Variants in CA10 observed in about 807,000 individuals in gnomAD.
CA10 encodes the protein carbonic anhydrase 10 (inactive), also known as carbonic anhydrase-related protein 10.
A neutral mutation model predicts 44.2 loss-of-function variants in CA10; 14 were observed. The ratio of observed to expected loss-of-function variants is 0.32; its 90% confidence interval spans 0.21 to 0.50. The LOEUF is 0.50. CA10 is among the 20% of genes least tolerant of loss of function. CA10 has a pLI of 0.99. For missense variants in CA10, 350 were observed against 409.7 expected (o/e 0.85, Z 1.26); for synonymous variants, 159 against 141.6 (o/e 1.12, Z -0.87).
rs910991643 is a variant in CA10 at position 51,837,657 on chromosome 17, T to A, written c.280-89839A>T. Among the ~76,000 whole-genome samples, 9 of 152,358 alleles carry A rather than the reference T, an allele frequency of 5.9e-5. 1 individual carries two copies. In the South Asian group the frequency reaches 1.7e-3, roughly 28 times the overall value. ...AACCACTGCTTCATCAGAGAGTGCC[T>A]TTTGTTTGTGCATGATCAAATGTGA... On this transcript the variant is annotated intron_variant, in intron 3 of 8. Coordinates refer to ENST00000451037, the MANE Select transcript of CA10 (RefSeq NM_020178.5).
At chr17:51,632,704 G>A (rs1912638334) in intron 8 of CA10, among the ~76,000 whole-genome samples, 1 of 152,100 alleles carries the variant, frequency 6.6e-6, no homozygotes, top group African/African-American at 2.4e-5. Flanking sequence ...CCAGAACTTG[G>A]GTGTCCTGAT....
At chr17:51,961,876 G>T (rs796110214) in intron 2 of CA10, among the ~76,000 whole-genome samples, 1 of 151,844 alleles carries the variant, frequency 6.6e-6, no homozygotes, top group African/African-American at 2.4e-5. Context: ...TCAAAGCACC[G>T]GCTCACCCGG....
At chr17:51,973,850 T>C (rs921250987) in intron 2 of CA10, among the ~76,000 whole-genome samples, 4 of 152,130 alleles carry the variant, frequency 2.6e-5, no homozygotes, top group Non-Finnish European at 5.9e-5. Flanking sequence ...TACTAGAATG[T>C]GAAGCAGGAA....
At chr17:52,028,837 C>T (rs16950926) in intron 2 of CA10, among the ~76,000 whole-genome samples, 1,851 of 152,304 alleles carry the variant, frequency 0.012, 31 homozygotes, top group African/African-American at 0.038. Flanking sequence ...TCTGCTGTGA[C>T]GATAGGACTT....
At chr17:51,964,779 G>C (rs1475044453) in intron 2 of CA10, among the ~76,000 whole-genome samples, 2 of 151,838 alleles carry the variant, frequency 1.3e-5, no homozygotes, top group African/African-American at 4.8e-5. Context: ...AAAGTTTAAA[G>C]CACTAAATCC....
At chr17:52,075,625 T>C (rs1268479823) in intron 1 of CA10, among the ~76,000 whole-genome samples, 1 of 152,178 alleles carries the variant, frequency 6.6e-6, no homozygotes, top group Non-Finnish European at 1.5e-5. Flanking sequence ...TTGCAGAGCA[T>C]AGCATCTCTG....
At chr17:51,879,815 TA>T (rs979497031) in intron 3 of CA10, among the ~76,000 whole-genome samples, 1 of 152,186 alleles carries the variant, frequency 6.6e-6, no homozygotes, top group East Asian at 1.9e-4. Context: ...AGAATTCTTC[TA>T]AAAAGAAAAG....
chr17:51,935,765 C>T (rs1429785529), intron 2 of CA10, among the ~76,000 whole-genome samples: 1 of 152,150 alleles, frequency 6.6e-6, no homozygotes. Context: ...TTATCAGCTG[C>T]TTGTTCAGAC....
chr17:51,999,402 G>A (rs1985345756), intron 2 of CA10, among the ~76,000 whole-genome samples: 1 of 152,046 alleles, frequency 6.6e-6, no homozygotes, highest in Admixed American at 6.6e-5. Context: ...GCAGTTCCGA[G>A]TTAGTGTGGG....
intron 1 of CA10, among the ~76,000 whole-genome samples, chr17:52,146,036 G>C (rs188767359): frequency 1.3e-5 from 2 of 152,150 alleles, no homozygotes. Flanking sequence ...AACTACTATG[G>C]AAATATAAGA....
intron 3 of CA10, among the ~76,000 whole-genome samples, chr17:51,822,208 G>A (rs144018272): frequency 5.3e-5 from 8 of 152,198 alleles, no homozygotes; most frequent in African/African-American, 1.9e-4. Context: ...CAGATCACCT[G>A]AGGTCACCAC....
intron 4 of CA10, among the ~76,000 whole-genome samples, chr17:51,722,074 G>C (rs1026419952): frequency 6.6e-6 from 1 of 152,116 alleles, no homozygotes; most frequent in African/African-American, 2.4e-5. Context: ...TTTAACTCTT[G>C]CGATCTGATG....
At chr17:51,712,055 C>T (rs1290369217) in intron 4 of CA10, among the ~76,000 whole-genome samples, 2 of 152,140 alleles carry the variant, frequency 1.3e-5, no homozygotes, top group Non-Finnish European at 2.9e-5. Flanking sequence ...CAAAAGTTGT[C>T]TTTGATAAAC....
At chr17:52,063,130 C>T (rs995425686) in intron 2 of CA10, among the ~76,000 whole-genome samples, 7 of 152,184 alleles carry the variant, frequency 4.6e-5, no homozygotes, top group Admixed American at 1.3e-4. Flanking sequence ...TTTTAGACTT[C>T]CATGAAGACT....
chr17:52,141,858 C>T (rs764824583), intron 1 of CA10, among the ~76,000 whole-genome samples: 3 of 152,104 alleles, frequency 2.0e-5, no homozygotes, highest in Non-Finnish European at 4.4e-5. Flanking sequence ...AACCAATGAG[C>T]ATGTTGCATT....
chr17:51,969,688 C>T (rs1984209920), intron 2 of CA10, among the ~76,000 whole-genome samples: 1 of 151,728 alleles, frequency 6.6e-6, no homozygotes, highest in Non-Finnish European at 1.5e-5. Context: ...TTATTGAGTA[C>T]CCCCTGTGTG....
chr17:51,945,749 C>T (rs547775436), intron 2 of CA10, among the ~76,000 whole-genome samples: 3 of 152,272 alleles, frequency 2.0e-5, no homozygotes, highest in East Asian at 3.9e-4. Flanking sequence ...TCCTTCCCCT[C>T]GACTCCCTTA....
intron 1 of CA10, among the ~76,000 whole-genome samples, chr17:52,108,868 C>A (rs1988730521): frequency 6.6e-6 from 1 of 151,944 alleles, no homozygotes; most frequent in African/African-American, 2.4e-5. Flanking sequence ...AGAACTTACC[C>A]ATGTAATCAA....
At chr17:52,086,073 A>G (rs1429545010) in intron 1 of CA10, among the ~76,000 whole-genome samples, 1 of 152,202 alleles carries the variant, frequency 6.6e-6, no homozygotes, top group Non-Finnish European at 1.5e-5. Context: ...TAATATTTAG[A>G]ACATACTCAT....
Sources: allele counts gnomAD v4.1 joint callset (sites outside exome capture counted in the v4.1 genomes callset), GRCh38; gene constraint gnomAD v4.1.1; transcripts MANE v1.5; gene names NCBI Gene and HGNC (gene_info 2026-07-23, HGNC 2026-07-21).